The following VTCN1 variants were observed in gnomAD, a reference collection of about 807,000 sequenced individuals.
The protein encoded by VTCN1 is V-set domain-containing T-cell activation inhibitor 1.
A neutral mutation model predicts 26.5 loss-of-function variants in VTCN1; 26 were observed. That is an observed-to-expected ratio of 0.98 (90% confidence interval 0.72 to 1.36). The LOEUF is 1.36. Ranked by LOEUF, VTCN1 falls within the 40% of genes most tolerant of loss-of-function variation. VTCN1 has a pLI of 0.00. For missense variants in VTCN1, 298 were observed against 337.7 expected (o/e 0.88, Z 0.92); for synonymous variants, 116 against 130.7 (o/e 0.89, Z 0.77).
At chr1:117,207,071 G>A (rs1293103326) in intron 1 of VTCN1, among the ~76,000 whole-genome samples, 2 of 152,094 alleles carry the variant, frequency 1.3e-5, no homozygotes, top group African/African-American at 4.8e-5. Flanking sequence ...ATGGTGTTGC[G>A]AGGCACTGTT....
intron 1 of VTCN1, among the ~76,000 whole-genome samples, chr1:117,204,562 G>A (rs1648946523): frequency 6.6e-6 from 1 of 152,056 alleles, no homozygotes; most frequent in South Asian, 2.1e-4. Context: ...GGGCAATATA[G>A]GATCTTGAAA....
rs761895550 is a variant in VTCN1, at chr1:117,210,907, C to G, written c.-52G>C. 2 of 1,601,478 alleles carry G rather than the reference C, an allele frequency of 1.2e-6. No homozygotes were observed. Among genetic ancestry groups the G allele is most frequent in the Non-Finnish European group, 8.6e-7 (1 of 1,168,908 alleles). The stretch of plus-strand genomic sequence containing the variant: ...GGGTACTGGCTGAGTGGAGCTGCCG[C>G]TGCCTTCCTTGGTGACTCACAACCA... On this transcript the variant is annotated 5_prime_UTR_variant, in exon 1 of 6. Transcript: ENST00000369458.
chr1:117,149,424 A>G (rs1396118956), intron 4 of VTCN1, among the ~76,000 whole-genome samples: 1 of 151,434 alleles, frequency 6.6e-6, no homozygotes, highest in African/African-American at 2.4e-5. Context: ...TATTTTGTTT[A>G]TGCAACTTTT....
At chr1:117,163,204 A>G (rs1052782722) in intron 2 of VTCN1, among the ~76,000 whole-genome samples, 2 of 152,244 alleles carry the variant, frequency 1.3e-5, no homozygotes, top group Non-Finnish European at 2.9e-5. Flanking sequence ...ACAATGTAGG[A>G]AAGCAGCAGA....
In VTCN1 at chr1:117,178,289, C is replaced by G. The variant is rs1358474024; in HGVS notation, c.33-8118G>C. Among the ~76,000 whole-genome samples, 7 of 141,222 alleles carry G rather than the reference C, an allele frequency of 5.0e-5. No individual in the cohort carries two copies. In the South Asian group the frequency reaches 9.0e-4, roughly 18 times the overall value. The allele number at this position is 141,222 out of a possible 152,430, so 92.6% of individuals were successfully genotyped here. Reference sequence around the variant, plus strand: ...TTTTTTTTTTTGAGATGGAGTCTCTCTCTGTGACCCAGGCTGGAGTGCAGT... The same window carrying G: ...TTTTTTTTTTTGAGATGGAGTCTCTGTCTGTGACCCAGGCTGGAGTGCAGT... On this transcript the variant is annotated intron_variant, in intron 1 of 5. Coordinates refer to ENST00000369458, the MANE Select transcript of VTCN1 (RefSeq NM_024626.4).
At chr1:117,194,721 C>G (rs980090529) in intron 1 of VTCN1, among the ~76,000 whole-genome samples, 3 of 152,194 alleles carry the variant, frequency 2.0e-5, no homozygotes, top group African/African-American at 7.2e-5. Flanking sequence ...TTTGTGGTAA[C>G]ACAGATGGAA....
At chr1:117,184,600 A>G (rs1570974362) in intron 1 of VTCN1, among the ~76,000 whole-genome samples, 1 of 152,158 alleles carries the variant, frequency 6.6e-6, no homozygotes, top group African/African-American at 2.4e-5. Flanking sequence ...TTTAATACTT[A>G]CAGCATATTT....
In VTCN1 at chr1:117,176,968, G is replaced by A. The variant is rs144337469; in HGVS notation, c.33-6797C>T. ...GCAAAAATTAGCCGAGCGTGGTGGTGTGCATGCGTAGTCCCAGCTACTCGG... is the reference window on the plus strand; with the variant it reads ...GCAAAAATTAGCCGAGCGTGGTGGTATGCATGCGTAGTCCCAGCTACTCGG... On this transcript the variant is annotated intron_variant, in intron 1 of 5. Transcript: ENST00000369458. Among the ~76,000 whole-genome samples, 6 of 152,198 alleles carry A rather than the reference G, an allele frequency of 3.9e-5. No individual in the cohort carries two copies. In the East Asian group the frequency reaches 7.7e-4, roughly 20 times the overall value.
In VTCN1 at chr1:117,145,489, T is replaced by C. The variant is rs1296478173; in HGVS notation, c.*46-264A>G. Among the ~76,000 whole-genome samples, 1 of 152,088 alleles carries C rather than the reference T, an allele frequency of 6.6e-6. No homozygotes were observed. Among genetic ancestry groups the C allele is most frequent in the African/African-American group, 2.4e-5 (1 of 41,414 alleles). ...AGAAGAGATGGGTCCTTATAGTAAA[T>C]GAGAACTGAGAGGAGTCTGGGCAGG... On this transcript the variant is annotated intron_variant, in intron 5 of 5. Transcript: ENST00000369458. The surrounding 1 kb of genome is among the most constrained non-coding windows in gnomAD (Gnocchi z 4.6).
rs1171554204 is a variant in VTCN1 at position 117,178,485 on chromosome 1, T to C, written c.33-8314A>G. Among the ~76,000 whole-genome samples the C allele has an allele frequency of 4.0e-5, 6 of 151,780 alleles. No homozygotes were observed. The South Asian group carries it at 1.0e-3, about 26-fold the overall frequency. ...GTTGGCCAGTCTGGTCTCAAATTCC[T>C]GACCTCAAGTGATCCGCCCACCTCG... On this transcript the variant is annotated intron_variant, in intron 1 of 5. Coordinates refer to ENST00000369458, the MANE Select transcript of VTCN1 (RefSeq NM_024626.4).
chr1:117,160,455 G>T (rs1652308801), intron 2 of VTCN1, among the ~76,000 whole-genome samples: 1 of 152,158 alleles, frequency 6.6e-6, no homozygotes, highest in Non-Finnish European at 1.5e-5. Flanking sequence ...CCTTCTTACA[G>T]TACAATTTGA....
At chr1:117,165,017 T>C (rs1293905822) in intron 2 of VTCN1, among the ~76,000 whole-genome samples, 1 of 152,266 alleles carries the variant, frequency 6.6e-6, no homozygotes, top group African/African-American at 2.4e-5. Context: ...AATTTCTTTC[T>C]GTATTGGGGA....
intron 2 of VTCN1, among the ~76,000 whole-genome samples, chr1:117,162,627 C>T (rs906833984): frequency 2.0e-5 from 3 of 152,132 alleles, no homozygotes; most frequent in Admixed American, 6.5e-5. Context: ...CATTAAACCC[C>T]TTTAAAATTG....
chr1:117,197,820 T>C (rs115475369), intron 1 of VTCN1, among the ~76,000 whole-genome samples: 238 of 152,182 alleles, frequency 1.6e-3, no homozygotes, highest in African/African-American at 5.5e-3. Context: ...GGTAACAAAA[T>C]GAGAGGTAAG....
At position 117,167,862 on chromosome 1, in the gene VTCN1, A is replaced by T. The variant is rs961417951; in HGVS notation, c.97+2245T>A. On this transcript the variant is annotated intron_variant, in intron 2 of 5. Transcript: ENST00000369458. This position sits in a 1 kb window ranked among gnomAD's most constrained non-coding sequence, Gnocchi z 4.1. ...AGGAATACAGATCAGAGAAAATATA[A>T]ATAAGCTAAAAGCTGGTTCTTTCAA... Among the ~76,000 whole-genome samples the T allele has an allele frequency of 4.6e-5, 7 of 152,170 alleles. No homozygotes were observed. Among genetic ancestry groups the T allele is most frequent in the African/African-American group, 1.7e-4 (7 of 41,434 alleles).
intron 3 of VTCN1, among the ~76,000 whole-genome samples, chr1:117,156,273 C>T (rs2101465530): frequency 6.6e-6 from 1 of 152,298 alleles, no homozygotes; most frequent in Non-Finnish European, 1.5e-5. Context: ...CTAGGCTGCT[C>T]TTATTAGCTG....
chr1:117,170,405 C>T (rs1652847346), intron 1 of VTCN1: 1 of 602,420 alleles, frequency 1.7e-6, no homozygotes, highest in Admixed American at 2.1e-5. Flanking sequence ...TTGCCTCTGA[C>T]TGTGCCATTT....
chr1:117,185,674 C>T (rs1405752003), intron 1 of VTCN1, among the ~76,000 whole-genome samples: 20 of 152,218 alleles, frequency 1.3e-4, no homozygotes, highest in Admixed American at 1.2e-3. Flanking sequence ...AATGTATTCT[C>T]TCTGAAGCCT....
chr1:117,182,536 G>A (rs1367012461), intron 1 of VTCN1, among the ~76,000 whole-genome samples: 1 of 152,180 alleles, frequency 6.6e-6, no homozygotes, highest in Non-Finnish European at 1.5e-5. Context: ...AACAACCCTT[G>A]CCTGCCTATG....
Sources: allele counts gnomAD v4.1 joint callset (sites outside exome capture counted in the v4.1 genomes callset), GRCh38; gene constraint gnomAD v4.1.1; non-coding constraint Gnocchi (gnomAD v3.1); transcripts MANE v1.5; gene names NCBI Gene and HGNC (gene_info 2026-07-23, HGNC 2026-07-21).